Variants in CTNNA3 observed in about 807,000 individuals in gnomAD.
CTNNA3 encodes catenin alpha-3.
Under a neutral mutation model 95.7 loss-of-function variants are expected in CTNNA3, and 76 were observed. The observed-to-expected ratio is 0.79, with a 90% CI of 0.66 to 0.96. CTNNA3 has a LOEUF of 0.96. Ranked by LOEUF, CTNNA3 falls within the 40% of genes least tolerant of loss-of-function variation. The pLI is 0.00. For synonymous variants in CTNNA3, 431 were observed against 374.4 expected, an observed-to-expected ratio of 1.15 and a Z score of -1.74; for missense variants, 1,191 against 1,089.8, an observed-to-expected ratio of 1.09 and a Z score of -1.31.
intron 15 of CTNNA3, among the ~76,000 whole-genome samples, chr10:66,006,812 C>T (rs2078896376): frequency 6.6e-6 from 1 of 152,232 alleles, no homozygotes; most frequent in Non-Finnish European, 1.5e-5. Context: ...TACTGACTCA[C>T]TTCTTATTCT....
chr10:67,651,499 G>C (rs6480285), intron 1 of CTNNA3, among the ~76,000 whole-genome samples: 20,197 of 152,078 alleles, frequency 0.13, 2,412 homozygotes, highest in African/African-American at 0.32. Context: ...TGTCCAGTAT[G>C]AATTCTAGAA....
intron 7 of CTNNA3, among the ~76,000 whole-genome samples, chr10:66,996,289 T>C (rs1672114859): frequency 6.6e-6 from 1 of 152,186 alleles, no homozygotes; most frequent in African/African-American, 2.4e-5. Context: ...ACTTAGTAGC[T>C]GTGCAACAAA....
chr10:67,175,212 A>T (rs1019966235), intron 7 of CTNNA3, among the ~76,000 whole-genome samples: 1 of 152,090 alleles, frequency 6.6e-6, no homozygotes, highest in African/African-American at 2.4e-5. Flanking sequence ...TAGAATTTTA[A>T]TTCTAACCTG....
At chr10:66,411,782 T>A (rs992309031) in intron 11 of CTNNA3, among the ~76,000 whole-genome samples, 1 of 152,196 alleles carries the variant, frequency 6.6e-6, no homozygotes, top group Non-Finnish European at 1.5e-5. Context: ...GAGTGTCTTT[T>A]AGATTGGTTC....
intron 7 of CTNNA3, among the ~76,000 whole-genome samples, chr10:66,781,745 G>T (rs978178559): frequency 6.6e-6 from 1 of 152,178 alleles, no homozygotes; most frequent in African/African-American, 2.4e-5. Flanking sequence ...GCCTGCTGGG[G>T]TATGTCTGGA....
intron 13 of CTNNA3, among the ~76,000 whole-genome samples, chr10:66,117,986 T>C (rs148668213): frequency 9.5e-4 from 145 of 152,284 alleles, no homozygotes; most frequent in African/African-American, 3.4e-3. Context: ...CCATGCTGTG[T>C]AACCTGGGAG....
intron 7 of CTNNA3, among the ~76,000 whole-genome samples, chr10:66,914,576 A>C (rs1846388954): frequency 6.6e-6 from 1 of 150,972 alleles, no homozygotes; most frequent in Admixed American, 6.6e-5. Context: ...TAATATCCTC[A>C]CAGTGAGAAA....
chr10:66,214,910 C>T (rs2088417746), intron 13 of CTNNA3, among the ~76,000 whole-genome samples: 1 of 151,874 alleles, frequency 6.6e-6, no homozygotes, highest in African/African-American at 2.4e-5. Flanking sequence ...ACCCAATTCC[C>T]TATGGACTCA....
At chr10:66,846,494 CACAA>C (rs2132366210) in intron 7 of CTNNA3, among the ~76,000 whole-genome samples, 1 of 148,926 alleles carries the variant, frequency 6.7e-6, no homozygotes, top group African/African-American at 2.6e-5. Context: ...CACACACACA[CACAA>C]AATGAGGGGA....
chr10:66,699,410 T>G (rs983460688), intron 9 of CTNNA3, among the ~76,000 whole-genome samples: 1 of 152,170 alleles, frequency 6.6e-6, no homozygotes, highest in Non-Finnish European at 1.5e-5. Flanking sequence ...TTTTCTTTTT[T>G]TTTAAATAAC....
At chr10:66,260,379 G>A (rs2090953895) in intron 13 of CTNNA3, among the ~76,000 whole-genome samples, 6 of 151,974 alleles carry the variant, frequency 3.9e-5, no homozygotes, top group Admixed American at 3.9e-4. Context: ...CCTATAACCT[G>A]TTTTGCCAAG....
chr10:67,324,342 T>G (rs1841452931), intron 5 of CTNNA3, among the ~76,000 whole-genome samples: 1 of 152,194 alleles, frequency 6.6e-6, no homozygotes, highest in Non-Finnish European at 1.5e-5. Context: ...CTTCTAGCTT[T>G]TGCCCATCAG....
At chr10:66,275,535 G>A (rs1453273757) in intron 13 of CTNNA3, among the ~76,000 whole-genome samples, 1 of 152,276 alleles carries the variant, frequency 6.6e-6, no homozygotes, top group African/African-American at 2.4e-5. Flanking sequence ...ATTTTCCCCT[G>A]CAGGGAAGAA....
chr10:66,313,084 C>A (rs1026061731), intron 12 of CTNNA3, among the ~76,000 whole-genome samples: 1 of 152,152 alleles, frequency 6.6e-6, no homozygotes, highest in Non-Finnish European at 1.5e-5. Flanking sequence ...AGTGTATCTT[C>A]CCCCTTCCTT....
chr10:66,591,278 C>T (rs1359750925), intron 10 of CTNNA3, among the ~76,000 whole-genome samples: 1 of 152,076 alleles, frequency 6.6e-6, no homozygotes, highest in Non-Finnish European at 1.5e-5. Context: ...GTATATAAAA[C>T]ATATTTTTCC....
At chr10:67,512,193 G>A (rs2133132386) in intron 5 of CTNNA3, among the ~76,000 whole-genome samples, 2 of 152,220 alleles carry the variant, frequency 1.3e-5, no homozygotes, top group Admixed American at 1.3e-4. Flanking sequence ...ACACTTGATA[G>A]GATAGCTACT....
intron 5 of CTNNA3, among the ~76,000 whole-genome samples, chr10:67,296,159 G>A (rs567275120): frequency 6.6e-6 from 1 of 152,238 alleles, no homozygotes; most frequent in African/African-American, 2.4e-5. Flanking sequence ...GGTTTCTGGA[G>A]GAAGCAAACA....
chr10:67,429,690 G>T (rs1375823569), intron 5 of CTNNA3, among the ~76,000 whole-genome samples: 1 of 151,814 alleles, frequency 6.6e-6, no homozygotes, highest in African/African-American at 2.4e-5. Context: ...AATTGTGTAG[G>T]TTTTTTTCTA....
chr10:66,552,670 T>C (rs1445943578), intron 10 of CTNNA3, among the ~76,000 whole-genome samples: 1 of 150,610 alleles, frequency 6.6e-6, no homozygotes, highest in Non-Finnish European at 1.5e-5. Flanking sequence ...ATTTTGTATA[T>C]GTGTTTATTT....
Sources: gnomAD v4.1 joint callset for allele counts (sites outside exome capture counted in the v4.1 genomes callset) on GRCh38, gnomAD v4.1.1 for gene constraint, MANE v1.5 for transcripts, NCBI Gene and HGNC (gene_info 2026-07-23, HGNC 2026-07-21) for gene names.